AHCYL2: variants seen among roughly 807,000 people sequenced by gnomAD.
AHCYL2 encodes S-adenosylhomocysteine hydrolase-like protein 2.
In AHCYL2, 28 loss-of-function variants were observed where a neutral mutation model predicts 81.4. The ratio of observed to expected loss-of-function variants is 0.34; its 90% CI spans 0.25 to 0.47. The LOEUF (loss-of-function observed/expected upper bound fraction) is 0.47. AHCYL2 is among the 20% of genes least tolerant of loss of function. The pLI is 1.00. For missense variants in AHCYL2, 551 were observed against 785.1 expected (o/e 0.70, Z 3.56); for synonymous variants, 272 against 290.2 (o/e 0.94, Z 0.64).
chr7:129,252,222 C>G (rs919660472), intron 1 of AHCYL2, among the ~76,000 whole-genome samples: 2 of 152,156 alleles, frequency 1.3e-5, no homozygotes, highest in African/African-American at 4.8e-5. Flanking sequence ...ATGTAACACT[C>G]TTAGGTAGAG....
At chr7:129,263,736 A>G (rs1020202248) in intron 1 of AHCYL2, among the ~76,000 whole-genome samples, 6 of 152,362 alleles carry the variant, frequency 3.9e-5, no homozygotes, top group East Asian at 1.9e-4. Flanking sequence ...TTCAGATGCA[A>G]TATGGAGAAT....
intron 1 of AHCYL2, among the ~76,000 whole-genome samples, chr7:129,253,843 T>G (rs1795322551): frequency 6.6e-6 from 1 of 152,194 alleles, no homozygotes; most frequent in Non-Finnish European, 1.5e-5. Flanking sequence ...TTGTTTAGGT[T>G]TTCATGTTTC....
chr7:129,289,037 CT>C (rs1365938282), intron 1 of AHCYL2, among the ~76,000 whole-genome samples: 1 of 152,128 alleles, frequency 6.6e-6, no homozygotes, highest in Non-Finnish European at 1.5e-5. Context: ...CAGCCTTCGT[CT>C]TCCAAAGTGC....
intron 1 of AHCYL2, among the ~76,000 whole-genome samples, chr7:129,289,549 G>A (rs900755807): frequency 6.6e-6 from 1 of 152,012 alleles, no homozygotes; most frequent in African/African-American, 2.4e-5. Flanking sequence ...TCTAATCTTC[G>A]ATTTACCCAG....
intron 1 of AHCYL2, among the ~76,000 whole-genome samples, chr7:129,291,501 C>G (rs1394929865): frequency 6.9e-6 from 1 of 145,746 alleles, no homozygotes; most frequent in African/African-American, 2.5e-5. Context: ...CTTTCAGTGA[C>G]TTTACCCGAG....
intron 1 of AHCYL2, among the ~76,000 whole-genome samples, chr7:129,274,814 G>A (rs1297286957): frequency 6.6e-6 from 1 of 152,130 alleles, no homozygotes; most frequent in Non-Finnish European, 1.5e-5. Context: ...TCAGCCTTAG[G>A]AGTGAGTGAA....
chr7:129,383,344 T>G (rs969612645), intron 2 of AHCYL2, among the ~76,000 whole-genome samples: 2 of 151,970 alleles, frequency 1.3e-5, no homozygotes, highest in Non-Finnish European at 2.9e-5. Flanking sequence ...TTTTTAAAAT[T>G]TTTTTGTAGA....
intron 1 of AHCYL2, among the ~76,000 whole-genome samples, chr7:129,298,151 A>G (rs1797118452): frequency 6.6e-6 from 1 of 152,246 alleles, no homozygotes; most frequent in Non-Finnish European, 1.5e-5. Flanking sequence ...AACCTCATTG[A>G]GAGAAAACGA....
intron 4 of AHCYL2, among the ~76,000 whole-genome samples, chr7:129,392,594 C>T (rs1383774994): frequency 3.3e-5 from 5 of 152,208 alleles, no homozygotes; most frequent in African/African-American, 1.2e-4. Flanking sequence ...GGAGAACATA[C>T]ATTCAGACCA....
intron 1 of AHCYL2, among the ~76,000 whole-genome samples, chr7:129,335,995 T>C (rs1046382122): frequency 4.6e-5 from 7 of 152,114 alleles, no homozygotes; most frequent in African/African-American, 7.2e-5. Context: ...ATGGCTTCTA[T>C]TGAGAATAGC....
At chr7:129,278,545 C>A (rs1036082356) in intron 1 of AHCYL2, among the ~76,000 whole-genome samples, 10 of 152,046 alleles carry the variant, frequency 6.6e-5, no homozygotes, top group Non-Finnish European at 1.0e-4. Flanking sequence ...TTTCGAAAAG[C>A]AAAATCTTTG....
chr7:129,345,992 C>A (rs887253553), intron 1 of AHCYL2, among the ~76,000 whole-genome samples: 2 of 152,034 alleles, frequency 1.3e-5, no homozygotes, highest in African/African-American at 2.4e-5. Context: ...TCTGAGAGAT[C>A]TGGGCTGTCT....
chr7:129,357,215 T>C (rs1051616537), intron 1 of AHCYL2, among the ~76,000 whole-genome samples: 1 of 152,140 alleles, frequency 6.6e-6, no homozygotes, highest in Non-Finnish European at 1.5e-5. Context: ...AAAGGGGTAT[T>C]AGTGGAAAAA....
intron 2 of AHCYL2, among the ~76,000 whole-genome samples, chr7:129,380,858 A>G (rs1432743228): frequency 6.6e-6 from 1 of 152,158 alleles, no homozygotes; most frequent in Non-Finnish European, 1.5e-5. Flanking sequence ...CTCCCACCTC[A>G]GTCTCCTGAG....
In AHCYL2 at chr7:129,230,061, A is replaced by G. The variant is rs187616056; in HGVS notation, c.363+4622A>G. Among the ~76,000 whole-genome samples the G allele has an allele frequency of 3.0e-3, 448 of 147,302 alleles. 5 individuals carry two copies. The highest frequency in any genetic ancestry group is 0.028 in the South Asian group (127 of 4,586). ...AGGCATTGTACTTAGAGCTTTACAT[A>G]TACTGTTTTATTTAATTCTTTTTTT... On this transcript the variant is annotated intron_variant, in intron 1 of 16. Transcript: ENST00000325006.
chr7:129,314,015 A>G (rs551310136), intron 1 of AHCYL2, among the ~76,000 whole-genome samples: 1 of 152,362 alleles, frequency 6.6e-6, no homozygotes, highest in South Asian at 2.1e-4. Context: ...AGGAGTCGAG[A>G]TCAAGTATCT....
At chr7:129,415,966 G>A (rs1023900826) in intron 12 of AHCYL2, among the ~76,000 whole-genome samples, 1 of 152,098 alleles carries the variant, frequency 6.6e-6, no homozygotes, top group African/African-American at 2.4e-5. Context: ...TGGAACCCGG[G>A]AGGCTGAGGT....
In AHCYL2 at chr7:129,410,930, G is replaced by T. The variant is rs543264592; in HGVS notation, c.1366+1384G>T. The stretch of plus-strand genomic sequence containing the variant: ...GTTCTTGGTTCATATCAATCCCCTG[G>T]ATCTCTTTTGTTGTTTTAAATAGAG... On this transcript the variant is annotated intron_variant, in intron 11 of 16. Coordinates refer to ENST00000325006, the MANE Select transcript of AHCYL2 (RefSeq NM_015328.4). Among the ~76,000 whole-genome samples the T allele has an allele frequency of 2.0e-5, 3 of 152,238 alleles. No individual in the cohort carries two copies. The South Asian group carries it at 6.2e-4, about 32-fold the overall frequency.
At chr7:129,397,563 A>G (rs1795805140) in intron 5 of AHCYL2, among the ~76,000 whole-genome samples, 1 of 152,192 alleles carries the variant, frequency 6.6e-6, no homozygotes, top group Non-Finnish European at 1.5e-5. Context: ...ATTGTTAGGT[A>G]ATGCTTTGTT....
Sources: allele counts gnomAD v4.1 joint callset (sites outside exome capture counted in the v4.1 genomes callset), GRCh38; gene constraint gnomAD v4.1.1; transcripts MANE v1.5; gene names NCBI Gene and HGNC (gene_info 2026-07-23, HGNC 2026-07-21).